PDE7B: variants seen among roughly 807,000 people sequenced by gnomAD.
The protein encoded by PDE7B is 3',5'-cyclic-AMP phosphodiesterase 7B.
A neutral mutation model predicts 56.2 loss-of-function variants in PDE7B; 29 were observed. That is an observed-to-expected ratio of 0.52 (90% CI 0.38 to 0.70). The LOEUF (loss-of-function observed/expected upper bound fraction) is 0.70. PDE7B is among the 30% of genes least tolerant of loss of function. PDE7B has a pLI of 0.00. For missense variants in PDE7B, 490 were observed against 565.0 expected, an observed-to-expected ratio of 0.87 and a Z score of 1.35; for synonymous variants, 197 against 196.9, an observed-to-expected ratio of 1.00 and a Z score of 0.00.
At chr6:135,904,069 T>A (rs1380237949) in intron 1 of PDE7B, among the ~76,000 whole-genome samples, 1 of 152,220 alleles carries the variant, frequency 6.6e-6, no homozygotes, top group Non-Finnish European at 1.5e-5. Flanking sequence ...CCTTTCAGAG[T>A]TTGTTCCCAT....
At chr6:135,935,928 T>A (rs1422805370) in intron 1 of PDE7B, among the ~76,000 whole-genome samples, 1 of 152,180 alleles carries the variant, frequency 6.6e-6, no homozygotes, top group Non-Finnish European at 1.5e-5. Context: ...AGTAATAGTT[T>A]TTTGATTGTC....
Position 136,180,238 on chromosome 6 carries a change from C to G in PDE7B, c.949-989C>G, listed in dbSNP as rs114734836. On this transcript the variant is annotated intron_variant, in intron 10 of 12. Transcript: ENST00000308191. ...GACTCCTTCCTTATTTCTTTCCAAA[C>G]TAGGCTTCTAGTCCCTGAATGCCAC... 5.6e-3 allele frequency among the ~76,000 whole-genome samples: 855 copies of G among 152,302 alleles called. 9 individuals carry two copies. Among genetic ancestry groups the G allele is most frequent in the African/African-American group, 0.019 (798 of 41,554 alleles).
chr6:136,164,491 T>TC (rs1778762362), intron 8 of PDE7B, among the ~76,000 whole-genome samples: 1 of 152,094 alleles, frequency 6.6e-6, no homozygotes, highest in Non-Finnish European at 1.5e-5. Context: ...ATATGATAAC[T>TC]CCCCCATCCA....
At chr6:135,999,595 A>T (rs1206511471) in intron 2 of PDE7B, among the ~76,000 whole-genome samples, 2 of 152,072 alleles carry the variant, frequency 1.3e-5, no homozygotes, top group Non-Finnish European at 2.9e-5. Flanking sequence ...ACATGAACTC[A>T]TTCTTTTTTA....
At chr6:135,969,534 A>G (rs1775056312) in intron 2 of PDE7B, among the ~76,000 whole-genome samples, 1 of 152,078 alleles carries the variant, frequency 6.6e-6, no homozygotes, top group Non-Finnish European at 1.5e-5. Flanking sequence ...AGGATTCCCT[A>G]TTTATTAATG....
chr6:136,054,645 C>A (rs185591372), intron 2 of PDE7B, among the ~76,000 whole-genome samples: 1,649 of 152,222 alleles, frequency 0.011, 28 homozygotes, highest in African/African-American at 0.038. Context: ...TTACCTTGGG[C>A]AGTATGGCCA....
intron 1 of PDE7B, among the ~76,000 whole-genome samples, chr6:135,870,175 G>A (rs894657856): frequency 6.6e-6 from 1 of 152,208 alleles, no homozygotes; most frequent in African/African-American, 2.4e-5. Flanking sequence ...TGAAACACTA[G>A]AGTGGTGGAC....
At chr6:135,956,447 A>C (rs1456747284) in intron 2 of PDE7B, among the ~76,000 whole-genome samples, 1 of 152,142 alleles carries the variant, frequency 6.6e-6, no homozygotes, top group Non-Finnish European at 1.5e-5. Flanking sequence ...GTGTGGAGCC[A>C]GGCCACAGGG....
At chr6:135,871,281 A>G (rs1775374719) in intron 1 of PDE7B, among the ~76,000 whole-genome samples, 1 of 152,214 alleles carries the variant, frequency 6.6e-6, no homozygotes, top group African/African-American at 2.4e-5. Context: ...ACTGAAAAAG[A>G]ATGTTTCCAT....
chr6:136,144,254 A>G (rs1256386925), intron 3 of PDE7B, among the ~76,000 whole-genome samples: 2 of 152,050 alleles, frequency 1.3e-5, no homozygotes, highest in African/African-American at 4.8e-5. Flanking sequence ...AATAACTTCA[A>G]TTTATCAAAA....
intron 3 of PDE7B, chr6:136,111,029 T>A (rs1235386088): frequency 6.6e-6 from 1 of 152,168 alleles, no homozygotes; most frequent in Non-Finnish European, 1.5e-5. Flanking sequence ...GTGCTGGCCA[T>A]CCACCCGGAA....
chr6:135,975,685 C>G (rs967741816), intron 2 of PDE7B, among the ~76,000 whole-genome samples: 1 of 152,084 alleles, frequency 6.6e-6, no homozygotes, highest in Non-Finnish European at 1.5e-5. Context: ...AGCAAAACTT[C>G]CAAATTAAAA....
In PDE7B at chr6:136,053,313, G is replaced by GT. The variant is rs1562480910; in HGVS notation, c.83-55412dup. On this transcript the variant is annotated intron_variant, in intron 2 of 12. Transcript: ENST00000308191. ...CATGAGTTAGAACATGCGGTGTTTG[G>GT]TTTTTTGTCCTTGCAATAGTTTGCT... 3.3e-5 allele frequency among the ~76,000 whole-genome samples: 5 copies of GT among 149,832 alleles called. No individual in the cohort carries two copies. In the South Asian group the frequency reaches 6.4e-4, roughly 19 times the overall value.
intron 1 of PDE7B, among the ~76,000 whole-genome samples, chr6:135,883,119 T>C (rs1562423779): frequency 2.0e-5 from 3 of 152,216 alleles, no homozygotes; most frequent in Non-Finnish European, 4.4e-5. Context: ...AAGTTTTCTC[T>C]TTAAATCTTG....
intron 1 of PDE7B, among the ~76,000 whole-genome samples, chr6:135,865,613 CATTGTGT>C (rs944222186): frequency 9.2e-6 from 1 of 108,250 alleles, no homozygotes; most frequent in African/African-American, 4.3e-5. Flanking sequence ...AAGCACTAGG[CATTGTGT>C]GTGTGTGTGT....
chr6:135,922,402 A>C (rs2128195561), intron 1 of PDE7B, among the ~76,000 whole-genome samples: 1 of 152,280 alleles, frequency 6.6e-6, no homozygotes, highest in East Asian at 1.9e-4. Context: ...ATGTACTGTG[A>C]ATTCCCAAGG....
intron 3 of PDE7B, among the ~76,000 whole-genome samples, chr6:136,122,934 C>A (rs1463573891): frequency 1.3e-5 from 2 of 152,224 alleles, no homozygotes; most frequent in Admixed American, 6.5e-5. Context: ...TCCAGACACA[C>A]TAAGACTGCT....
rs142607172 is a variant in PDE7B at position 135,879,917 on chromosome 6, A to C, written c.21+27898A>C. Among the ~76,000 whole-genome samples the C allele has an allele frequency of 3.2e-3, 492 of 152,294 alleles. 2 individuals carry two copies. Among genetic ancestry groups the C allele is most frequent in the South Asian group, 0.022 (106 of 4,822 alleles). On this transcript the variant is annotated intron_variant, in intron 1 of 12. Coordinates refer to ENST00000308191, the MANE Select transcript of PDE7B (RefSeq NM_018945.4). ...AAAGAACTCTTAGACATTGGGAATG[A>C]TATAAATCTAAATAAAATTATGTAT...
chr6:136,195,497 G>A lies in PDE7B; in HGVS notation c.*3657G>A. On this transcript the variant is annotated 3_prime_UTR_variant, in exon 13 of 13. Coordinates refer to ENST00000308191, the MANE Select transcript of PDE7B (RefSeq NM_018945.4). ...AAAAAAGAACTACCTTGTGAGTTTT[G>A]CTCAAAATGTGGCCTAAGTAGCCAT... The A allele has an allele frequency of 7.1e-6, 1 of 140,970 alleles. No individual in the cohort carries two copies. The highest frequency in any genetic ancestry group is 2.1e-4 in the East Asian group (1 of 4,850). The allele number at this position is 140,970 out of a possible 1,614,324, so 8.7% of individuals were successfully genotyped here.
Sources: gnomAD v4.1 joint callset for allele counts (sites outside exome capture counted in the v4.1 genomes callset) on GRCh38, gnomAD v4.1.1 for gene constraint, MANE v1.5 for transcripts, NCBI Gene and HGNC (gene_info 2026-07-23, HGNC 2026-07-21) for gene names.